EPHA6: variants seen among roughly 807,000 people sequenced by gnomAD.
EPHA6 encodes EPH receptor A6.
In EPHA6, 50 loss-of-function variants were observed where a neutral mutation model predicts 112.0. The observed-to-expected ratio is 0.45, with a 90% CI of 0.36 to 0.56. The LOEUF is 0.56. Among genes scored for constraint, EPHA6 ranks in the 20% least tolerant of loss-of-function variants. EPHA6 has a pLI of 0.00. For missense variants in EPHA6, 1,280 were observed against 1,417.4 expected (o/e 0.90, Z 1.56); for synonymous variants, 529 against 490.7 (o/e 1.08, Z -1.03).
At position 97,067,537 on chromosome 3, in the gene EPHA6, A is replaced by AATATAT. The variant is rs10544034; in HGVS notation, c.1114+79558_1114+79563dup. Among the ~76,000 whole-genome samples, 255 of 148,086 alleles carry AATATAT rather than the reference A, an allele frequency of 1.7e-3. 1 individual carries two copies. The highest frequency in any genetic ancestry group is 5.9e-3 in the African/African-American group (237 of 40,486). Reference sequence around the variant, plus strand: ...TGATTGAGACTGAAATTATCAGGAAAATATATATATATATATATACCAAAG... The same window carrying AATATAT: ...TGATTGAGACTGAAATTATCAGGAAAATATATATATATATATATATATATACCAAAG... On this transcript the variant is annotated intron_variant, in intron 3 of 17. Coordinates refer to ENST00000389672, the MANE Select transcript of EPHA6 (RefSeq NM_001080448.3).
chr3:97,556,957 TA>T (rs2093119966), intron 11 of EPHA6, among the ~76,000 whole-genome samples: 1 of 152,084 alleles, frequency 6.6e-6, no homozygotes, highest in Admixed American at 6.6e-5. Context: ...ATTAGTATAG[TA>T]CATACAAATA....
intron 14 of EPHA6, among the ~76,000 whole-genome samples, chr3:97,711,812 T>G (rs1244797614): frequency 6.6e-6 from 1 of 152,176 alleles, no homozygotes; most frequent in East Asian, 1.9e-4. Context: ...CTAGAAATAA[T>G]GTTTTACCAG....
intron 3 of EPHA6, among the ~76,000 whole-genome samples, chr3:97,216,209 G>T (rs2078030486): frequency 6.6e-6 from 1 of 152,168 alleles, no homozygotes; most frequent in Non-Finnish European, 1.5e-5. Context: ...ATGGTAGAAG[G>T]AGAAGCGGAG....
chr3:97,156,344 C>T (rs1040085484), intron 3 of EPHA6, among the ~76,000 whole-genome samples: 21 of 151,970 alleles, frequency 1.4e-4, no homozygotes, highest in Non-Finnish European at 2.9e-4. Flanking sequence ...ATTTTAGATA[C>T]AAATAAATAT....
intron 3 of EPHA6, among the ~76,000 whole-genome samples, chr3:96,992,933 T>C (rs1307572441): frequency 2.0e-5 from 3 of 152,182 alleles, no homozygotes; most frequent in African/African-American, 7.2e-5. Context: ...TGCTAATTAT[T>C]TGTGTATCTG....
chr3:97,140,757 G>A (rs188642017), intron 3 of EPHA6, among the ~76,000 whole-genome samples: 48 of 152,048 alleles, frequency 3.2e-4, no homozygotes, highest in Non-Finnish European at 5.0e-4. Flanking sequence ...ATCCTATAAA[G>A]CAGTTACACA....
chr3:97,692,732 T>C (rs2032751551), intron 14 of EPHA6, among the ~76,000 whole-genome samples: 2 of 152,236 alleles, frequency 1.3e-5, no homozygotes, highest in Non-Finnish European at 2.9e-5. Context: ...ATGTTTTTCA[T>C]TCATACTCAC....
At chr3:97,466,515 T>A (rs1385924142) in intron 7 of EPHA6, 1 of 939,628 alleles carries the variant, frequency 1.1e-6, no homozygotes, top group Admixed American at 1.7e-5. Flanking sequence ...AGTGTGAGGG[T>A]CGGGCCAAAT....
chr3:97,483,836 G>A, intron 9 of EPHA6, 98 bp from the exon 10 acceptor site: 1 of 1,248,084 alleles, frequency 8.0e-7, no homozygotes, highest in Admixed American at 3.0e-5. Context: ...TATCAAGACT[G>A]ACTACTTCAG....
chr3:97,546,791 T>C (rs2092956510), intron 11 of EPHA6, among the ~76,000 whole-genome samples: 1 of 152,206 alleles, frequency 6.6e-6, no homozygotes, highest in Admixed American at 6.5e-5. Flanking sequence ...TCTAAACTTC[T>C]CTTCTCACTT....
intron 3 of EPHA6, among the ~76,000 whole-genome samples, chr3:97,163,645 G>C (rs547223965): frequency 6.6e-6 from 1 of 152,246 alleles, no homozygotes; most frequent in East Asian, 1.9e-4. Flanking sequence ...TTGCAAGGCA[G>C]CTATCCCATA....
intron 3 of EPHA6, among the ~76,000 whole-genome samples, chr3:97,149,877 A>G (rs1163217878): frequency 6.7e-6 from 1 of 149,786 alleles, no homozygotes; most frequent in African/African-American, 2.4e-5. Context: ...TATGCATTAT[A>G]TATAATATAT....
At chr3:97,255,533 A>G (rs1264396207) in intron 5 of EPHA6, among the ~76,000 whole-genome samples, 2 of 152,170 alleles carry the variant, frequency 1.3e-5, no homozygotes, top group African/African-American at 4.8e-5. Flanking sequence ...CTTTTTAAAC[A>G]TTTATTTTTG....
chr3:97,647,026 A>C (rs1356771508), intron 14 of EPHA6, among the ~76,000 whole-genome samples: 1 of 152,198 alleles, frequency 6.6e-6, no homozygotes, highest in Non-Finnish European at 1.5e-5. Context: ...AACAAAACTC[A>C]GTCTGTCCCA....
intron 3 of EPHA6, among the ~76,000 whole-genome samples, chr3:97,174,131 G>C (rs921970494): frequency 2.0e-5 from 3 of 151,056 alleles, no homozygotes; most frequent in African/African-American, 7.3e-5. Flanking sequence ...AGATAAGTGA[G>C]AACATGTGAT....
chr3:97,440,786 CA>C (rs2090095733), intron 6 of EPHA6, among the ~76,000 whole-genome samples: 1 of 151,318 alleles, frequency 6.6e-6, no homozygotes, highest in Non-Finnish European at 1.5e-5. Flanking sequence ...ATTTGAAAAT[CA>C]AAAGCCAGTG....
At chr3:97,300,661 A>G (rs2081057477) in intron 5 of EPHA6, among the ~76,000 whole-genome samples, 1 of 152,120 alleles carries the variant, frequency 6.6e-6, no homozygotes, top group African/African-American at 2.4e-5. Flanking sequence ...TCCTAGAATC[A>G]GATGTATTCT....
At chr3:97,120,872 T>C (rs2048022013) in intron 3 of EPHA6, among the ~76,000 whole-genome samples, 1 of 151,880 alleles carries the variant, frequency 6.6e-6, no homozygotes, top group Admixed American at 6.6e-5. Context: ...AATAAAATAA[T>C]GTTATAGTGT....
At chr3:97,460,172 A>C (rs2090841060) in intron 7 of EPHA6, among the ~76,000 whole-genome samples, 1 of 152,234 alleles carries the variant, frequency 6.6e-6, no homozygotes, top group African/African-American at 2.4e-5. Context: ...GAAATGCTAC[A>C]TTCAATTAGG....
Sources: allele counts gnomAD v4.1 joint callset (sites outside exome capture counted in the v4.1 genomes callset), GRCh38; gene constraint gnomAD v4.1.1; transcripts MANE v1.5; gene names NCBI Gene and HGNC (gene_info 2026-07-23, HGNC 2026-07-21).